Variants in CD36 observed in about 807,000 individuals in gnomAD.
CD36 encodes platelet glycoprotein 4.
CD36 carries 119 observed loss-of-function variants against 55.2 expected under a neutral mutation model. The observed-to-expected ratio is 2.15, with a 90% confidence interval of 1.86 to 2.51. CD36 has a LOEUF of 2.51. Ranked by LOEUF, CD36 falls within the 30% of genes most tolerant of loss-of-function variation. The probability of loss-of-function intolerance (pLI) is 0.00; values close to 1 mark genes in which losing one functional copy is unlikely to be tolerated. For missense variants in CD36, 819 were observed against 555.5 expected, an observed-to-expected ratio of 1.47 and a Z score of -4.77; for synonymous variants, 186 against 193.6, an observed-to-expected ratio of 0.96 and a Z score of 0.33.
At chr7:80,617,090 C>G (rs1423157244) in intron 1 of CD36, among the ~76,000 whole-genome samples, 1 of 152,096 alleles carries the variant, frequency 6.6e-6, no homozygotes, top group Non-Finnish European at 1.5e-5. Context: ...AATCAGAGCT[C>G]AGTGAGGAGA....
chr7:80,610,950 A>G (rs10428893), intron 1 of CD36, among the ~76,000 whole-genome samples: 1 of 151,834 alleles, frequency 6.6e-6, no homozygotes, highest in Admixed American at 6.6e-5. Flanking sequence ...ATCATAGCTC[A>G]CTGTAATCTC....
chr7:80,628,510 A>T (rs1793877032), intron 1 of CD36, among the ~76,000 whole-genome samples: 1 of 152,088 alleles, frequency 6.6e-6, no homozygotes, highest in African/African-American at 2.4e-5. Context: ...ACCATATTGC[A>T]GAAACACTTT....
At chr7:80,649,193 C>T (rs1238244001) in intron 3 of CD36, among the ~76,000 whole-genome samples, 1 of 152,056 alleles carries the variant, frequency 6.6e-6, no homozygotes, top group African/African-American at 2.4e-5. Context: ...TTTTACTCAT[C>T]TTACAGGCGC....
At chr7:80,627,037 A>G (rs998100923) in intron 1 of CD36, among the ~76,000 whole-genome samples, 1 of 152,014 alleles carries the variant, frequency 6.6e-6, no homozygotes, top group African/African-American at 2.4e-5. Flanking sequence ...GAGACAGACT[A>G]TTACAAGGTT....
intron 14 of CD36, among the ~76,000 whole-genome samples, chr7:80,675,329 AAACAAAAT>A (rs1395895787): frequency 4.6e-5 from 7 of 152,150 alleles, no homozygotes; most frequent in Non-Finnish European, 1.0e-4. Flanking sequence ...CTGAAAAGTA[AAACAAAAT>A]AACAAAAAAA....
chr7:80,641,079 TG>T (rs1794779552), intron 1 of CD36, among the ~76,000 whole-genome samples: 1 of 152,052 alleles, frequency 6.6e-6, no homozygotes, highest in Non-Finnish European at 1.5e-5. Flanking sequence ...GAAGCGTGAC[TG>T]GGAAAGGGAA....
chr7:80,660,955 C>T, intron 4 of CD36, 108 bp from the exon 5 acceptor site: 1 of 835,438 alleles, frequency 1.2e-6, no homozygotes, highest in South Asian at 1.4e-5. Context: ...TACTATCTAT[C>T]TGGCATATTC....
Position 80,674,068 on chromosome 7 carries a change from T to TCTTA in CD36, c.1343_1346dup (p.Ser450ThrfsTer105). 1 of 1,602,646 alleles carries TCTTA rather than the reference T, an allele frequency of 6.2e-7. No individual in the cohort carries two copies. The highest frequency in any genetic ancestry group is 8.5e-7 in the Non-Finnish European group (1 of 1,169,988). ...AACCTCCTTGGCCTGATAGAAATGA[T>TCTTA]CTTACTCAGTGTTGGTGTGGTGATG... On this transcript the variant is annotated frameshift_variant, in exon 14 of 15. Transcript: ENST00000447544. LOFTEE classifies it high-confidence loss of function.
At chr7:80,607,471 A>C (rs1453198281) in intron 1 of CD36, among the ~76,000 whole-genome samples, 1 of 152,120 alleles carries the variant, frequency 6.6e-6, no homozygotes, top group African/African-American at 2.4e-5. Context: ...ACTAAGATCT[A>C]CTGATTTTTT....
upstream of CD36, chr7:80,637,091 C>T (rs1794469757): frequency 6.6e-6 from 1 of 151,868 alleles, no homozygotes; most frequent in South Asian, 2.1e-4. Flanking sequence ...TTTCATTATA[C>T]TTTAGTCTTT....
intron 6 of CD36, 53 bp downstream of exon 6, chr7:80,663,222 A>G (rs1796706144): frequency 7.0e-7 from 1 of 1,425,950 alleles, no homozygotes; most frequent in Non-Finnish European, 9.9e-7. Context: ...TAATTAATTC[A>G]ATGGCATTGG....
intron 3 of CD36, among the ~76,000 whole-genome samples, chr7:80,653,650 C>G (rs1321227970): frequency 1.3e-5 from 2 of 152,108 alleles, no homozygotes; most frequent in African/African-American, 4.8e-5. Flanking sequence ...CAGCTTTGTA[C>G]TTCAAATTTA....
chr7:80,673,256 A>G, intron 12 of CD36, 99 bp from the exon 13 acceptor site: 3 of 626,636 alleles, frequency 4.8e-6, no homozygotes, highest in Non-Finnish European at 8.4e-6. Flanking sequence ...AACAAAATCA[A>G]ATTAGCAACA....
At chr7:80,620,944 C>T (rs901839201) in intron 1 of CD36, among the ~76,000 whole-genome samples, 4 of 152,122 alleles carry the variant, frequency 2.6e-5, no homozygotes, top group Non-Finnish European at 4.4e-5. Context: ...AAAAGAAGTT[C>T]TACTTTGGGT....
At chr7:80,612,976 T>C (rs531839750) in intron 1 of CD36, among the ~76,000 whole-genome samples, 4 of 152,236 alleles carry the variant, frequency 2.6e-5, no homozygotes, top group Middle Eastern at 6.8e-3. Context: ...TATATTTAGG[T>C]AGTATATGGA....
intron 3 of CD36, among the ~76,000 whole-genome samples, chr7:80,651,907 T>TC: frequency 1.3e-5 from 2 of 152,052 alleles, no homozygotes; most frequent in Middle Eastern, 3.4e-3. Context: ...AGACCCTGTC[T>TC]CCCCCCGCAA....
intron 3 of CD36, chr7:80,647,078 T>C (rs1375038394): frequency 4.1e-6 from 2 of 490,754 alleles, no homozygotes; most frequent in South Asian, 2.1e-5. Context: ...CTGTCTTAAA[T>C]ATAAATACCA....
At chr7:80,634,106 T>C (rs1794246072), upstream of CD36, among the ~76,000 whole-genome samples, 1 of 152,098 alleles carries the variant, frequency 6.6e-6, no homozygotes, top group African/African-American at 2.4e-5. Flanking sequence ...GTCAGTCAGT[T>C]TGGGTTCCAG....
rs774677532 is a variant in CD36, at chr7:80,670,093, T to G, written c.818+71T>G. The G allele has an allele frequency of 4.4e-5, 39 of 886,810 alleles. 1 individual carries two copies. Among genetic ancestry groups the G allele is most frequent in the Non-Finnish European group, 6.5e-5 (34 of 524,292 alleles). The allele number at this position is 886,810 out of a possible 1,614,324, so 54.9% of individuals were successfully genotyped here. The stretch of plus-strand genomic sequence containing the variant: ...GTGACAAAATGCAGACCAAGAAACT[T>G]AAACACAGCATAGGAAATTCATCAT... On this transcript the variant is annotated intron_variant, in intron 9 of 14. Coordinates refer to ENST00000447544, the MANE Select transcript of CD36 (RefSeq NM_001001548.3).
Sources: allele counts gnomAD v4.1 joint callset (sites outside exome capture counted in the v4.1 genomes callset), GRCh38; gene constraint gnomAD v4.1.1; transcripts MANE v1.5; gene names NCBI Gene and HGNC (gene_info 2026-07-23, HGNC 2026-07-21).